The following PPP2R2C variants were observed in gnomAD, a reference collection of about 807,000 sequenced individuals.
PPP2R2C encodes the protein protein phosphatase 2, regulatory subunit B, gamma.
In PPP2R2C, 10 loss-of-function variants were observed where a neutral mutation model predicts 45.3. That is an observed-to-expected ratio of 0.22 (90% CI 0.14 to 0.37). The LOEUF is 0.37. PPP2R2C is among the 10% of genes least tolerant of loss of function. The pLI is 1.00. For missense variants in PPP2R2C, 308 were observed against 619.7 expected (o/e 0.50, Z 5.34); for synonymous variants, 257 against 245.4 (o/e 1.05, Z -0.44).
At chr4:6,386,322 A>C (rs1716206407) in intron 1 of PPP2R2C, among the ~76,000 whole-genome samples, 1 of 152,166 alleles carries the variant, frequency 6.6e-6, no homozygotes. Context: ...TTGATAGAGC[A>C]GCAAACAGAG....
intron 2 of PPP2R2C, among the ~76,000 whole-genome samples, chr4:6,512,208 GGTGATGGTGGTGTT>G (rs1723616013): frequency 9.8e-6 from 1 of 102,534 alleles, no homozygotes; most frequent in Non-Finnish European, 2.1e-5. Flanking sequence ...TGATGGTGGT[GGTGATGGTGGTGTT>G]GGTGGTGGTG....
chr4:6,511,685 A>T (rs142446207), intron 2 of PPP2R2C, among the ~76,000 whole-genome samples: 76 of 1,466 alleles, frequency 0.052, no homozygotes, highest in East Asian at 0.11. Context: ...ATGGTGGTGG[A>T]GGTGATGGTG....
intron 2 of PPP2R2C, among the ~76,000 whole-genome samples, chr4:6,484,626 T>C (rs377743338): frequency 6.2e-4 from 94 of 151,976 alleles, no homozygotes; most frequent in African/African-American, 1.9e-3. Context: ...CCATAGTATA[T>C]CTCTCCACTC....
At chr4:6,452,953 G>A (rs985428713) in intron 1 of PPP2R2C, among the ~76,000 whole-genome samples, 12 of 152,174 alleles carry the variant, frequency 7.9e-5, no homozygotes, top group African/African-American at 2.9e-4. Flanking sequence ...AGCTCCCCAC[G>A]GCCACACTGC....
intron 1 of PPP2R2C, among the ~76,000 whole-genome samples, chr4:6,554,781 A>G (rs1725308046): frequency 6.6e-6 from 1 of 150,820 alleles, no homozygotes; most frequent in Non-Finnish European, 1.5e-5. Flanking sequence ...AATCGCTTGA[A>G]CCCAGGAAGC....
intron 6 of PPP2R2C, among the ~76,000 whole-genome samples, 169 bp downstream of exon 6, chr4:6,347,677 G>A (rs1413104567): frequency 3.3e-5 from 5 of 152,228 alleles, no homozygotes; most frequent in African/African-American, 1.2e-4. Context: ...GCAAGACCAG[G>A]CTCCCCGACC....
chr4:6,405,461 G>C (rs1357233390), intron 1 of PPP2R2C, among the ~76,000 whole-genome samples: 2 of 152,220 alleles, frequency 1.3e-5, no homozygotes, highest in African/African-American at 2.4e-5. Context: ...ACCACAGGGA[G>C]GATAAAACCC....
intron 1 of PPP2R2C, among the ~76,000 whole-genome samples, chr4:6,458,911 A>G (rs1721179156): frequency 6.6e-6 from 1 of 152,188 alleles, no homozygotes; most frequent in Non-Finnish European, 1.5e-5. Context: ...GACCCAGGCT[A>G]ACACAAGCAA....
At chr4:6,348,926 CTG>C (rs761631969) in intron 5 of PPP2R2C, 1 of 872,798 alleles carries the variant, frequency 1.1e-6, no homozygotes, top group Non-Finnish European at 1.4e-6. Flanking sequence ...GTATCCCTGA[CTG>C]TTACACTAGA....
At chr4:6,507,844 T>C (rs1229565149) in intron 2 of PPP2R2C, among the ~76,000 whole-genome samples, 2 of 152,252 alleles carry the variant, frequency 1.3e-5, no homozygotes, top group Non-Finnish European at 2.9e-5. Flanking sequence ...GGGTAAATCA[T>C]GTTTCTTCCT....
chr4:6,451,405 G>C (rs1373814630), intron 1 of PPP2R2C, among the ~76,000 whole-genome samples: 1 of 152,160 alleles, frequency 6.6e-6, no homozygotes, highest in South Asian at 2.1e-4. Flanking sequence ...ACAAAATCCA[G>C]TTTCTTATTG....
At chr4:6,342,871 T>C (rs768937450) in intron 6 of PPP2R2C, among the ~76,000 whole-genome samples, 14 of 152,278 alleles carry the variant, frequency 9.2e-5, no homozygotes, top group Middle Eastern at 6.8e-3. Flanking sequence ...ACAGAGCTTC[T>C]CGGACCCTCG....
intron 2 of PPP2R2C, among the ~76,000 whole-genome samples, chr4:6,483,548 C>T (rs1298285912): frequency 3.3e-5 from 5 of 151,976 alleles, no homozygotes; most frequent in Non-Finnish European, 7.4e-5. Context: ...CTCATCTTTT[C>T]GTGTGCTTAT....
Position 6,521,081 on chromosome 4 carries a change from C to T in PPP2R2C, c.49+14190G>A, listed in dbSNP as rs1218079015. Among the ~76,000 whole-genome samples the T allele has an allele frequency of 3.3e-5, 5 of 152,180 alleles. No homozygotes were observed. The East Asian group carries it at 5.8e-4, about 18-fold the overall frequency. ...TGCACAAGGCTTGGAAAGTAAGGTT[C>T]GAAAAGGCTAAGTAACCAGCCTGAG... On this transcript the variant is annotated intron_variant, in intron 2 of 9. Coordinates refer to the PPP2R2C transcript ENST00000506140.
At chr4:6,383,915 T>A (rs1716039159) in intron 1 of PPP2R2C, 9 of 986,728 alleles carry the variant, frequency 9.1e-6, no homozygotes, top group Non-Finnish European at 1.1e-5. Context: ...CATGAGTCAA[T>A]GCCAGCTTTG....
At chr4:6,519,675 G>C (rs1027787367) in intron 2 of PPP2R2C, among the ~76,000 whole-genome samples, 3 of 152,228 alleles carry the variant, frequency 2.0e-5, no homozygotes, top group African/African-American at 7.2e-5. Context: ...TTCATTAAAT[G>C]AATGAATAAA....
intron 1 of PPP2R2C, among the ~76,000 whole-genome samples, chr4:6,412,278 T>C (rs1201206633): frequency 2.6e-5 from 4 of 152,202 alleles, no homozygotes; most frequent in Non-Finnish European, 5.9e-5. Context: ...GAACAGAGTA[T>C]TGACTTCTAA....
At chr4:6,360,823 C>T (rs771309927) in intron 5 of PPP2R2C, among the ~76,000 whole-genome samples, 4 of 152,150 alleles carry the variant, frequency 2.6e-5, no homozygotes, top group Non-Finnish European at 4.4e-5. Flanking sequence ...TATGGAGGTC[C>T]GAAGTCCAAT....
rs113315869 is a variant in PPP2R2C at position 6,403,451 on chromosome 4, C to G, written c.71-22357G>C. ...ACTTCAATCCCAGCTCTGTTTACAG[C>G]GGGGTGAGGCTGTGCGCCAGGGGTT... On this transcript the variant is annotated intron_variant, in intron 1 of 8. Coordinates refer to ENST00000382599, the MANE Select transcript of PPP2R2C (RefSeq NM_020416.4). Among the ~76,000 whole-genome samples, 616 of 152,300 alleles carry G rather than the reference C, an allele frequency of 4.0e-3. 3 individuals carry two copies. The highest frequency in any genetic ancestry group is 0.014 in the African/African-American group (562 of 41,550).
Sources: gnomAD v4.1 joint callset for allele counts (sites outside exome capture counted in the v4.1 genomes callset) on GRCh38, gnomAD v4.1.1 for gene constraint, MANE v1.5 for transcripts, NCBI Gene and HGNC (gene_info 2026-07-23, HGNC 2026-07-21) for gene names.